The following IMPG2 variants were observed in gnomAD, a reference collection of about 807,000 sequenced individuals.
IMPG2 encodes the protein IPM 200.
Under a neutral mutation model 129.2 loss-of-function variants are expected in IMPG2, and 91 were observed. The ratio of observed to expected loss-of-function variants is 0.70; its 90% CI spans 0.59 to 0.84. The LOEUF (loss-of-function observed/expected upper bound fraction) is 0.84. Among genes scored for constraint, IMPG2 ranks in the 40% least tolerant of loss-of-function variants. The pLI, the probability that IMPG2 is intolerant of heterozygous loss-of-function variation, is 0.00. For missense variants in IMPG2, 1,430 were observed against 1,461.7 expected (o/e 0.98, Z 0.35); for synonymous variants, 510 against 517.7 (o/e 0.99, Z 0.20).
rs1706279096 is a variant in IMPG2 at position 101,230,995 on chromosome 3, T to C, written c.3384A>G (p.Gln1128=). The change falls in exon 16 of 19, where the codon CAA becomes CAG. Residue 1128 remains glutamine, a synonymous_variant. Transcript: ENST00000193391. ...AIIYFFIRTL[Q]AHHDRSERES... Reference sequence around the variant, plus strand: ...CTCTTTCACTCCTGTCATGGTGTGCTTGGAGAGTCCTGATGAAGAAGTAGA... The same window carrying C: ...CTCTTTCACTCCTGTCATGGTGTGCCTGGAGAGTCCTGATGAAGAAGTAGA... 6.2e-7 allele frequency: 1 copy of C among 1,613,858 alleles called. No individual in the cohort carries two copies. The highest frequency in any genetic ancestry group is 1.3e-5 in the African/African-American group (1 of 74,924).
Position 101,243,999 on chromosome 3 carries a change from G to A in IMPG2, c.2332C>T (p.Pro778Ser), listed in dbSNP as rs746189489. The change falls in exon 13 of 19, where the codon CCA (proline) becomes TCA (serine). Residue 778 changes from proline to serine, a missense_variant. Pro to Ser is a moderately conservative substitution (Grantham distance 74). Coordinates refer to ENST00000193391, the MANE Select transcript of IMPG2 (RefSeq NM_016247.4). ...PDMQTLWTIL[P>S]ESERVWTRTS... ...CTTGTCCAAACTCTCTCTGATTCTG[G>A]CAATATAGTCCACAAAGTTTGCATA... 1.9e-6 allele frequency: 3 copies of A among 1,614,118 alleles called. No homozygotes were observed. The highest frequency in any genetic ancestry group is 2.2e-5 in the South Asian group (2 of 91,088).
At chr3:101,270,242 T>C (rs946992980) in intron 7 of IMPG2, among the ~76,000 whole-genome samples, 1 of 152,082 alleles carries the variant, frequency 6.6e-6, no homozygotes, top group Non-Finnish European at 1.5e-5. Flanking sequence ...TAAATGATAT[T>C]GTTTGGATTT....
At chr3:101,228,768 C>A (rs1261661306) in intron 18 of IMPG2, 29 bp downstream of exon 18, 5 of 1,566,076 alleles carry the variant, frequency 3.2e-6, no homozygotes, top group South Asian at 1.1e-5. Context: ...GTCTGTAGGT[C>A]GGGGTGGGGG....
intron 3 of IMPG2, among the ~76,000 whole-genome samples, chr3:101,297,985 T>C (rs1056964136): frequency 6.6e-6 from 1 of 152,230 alleles, no homozygotes; most frequent in East Asian, 1.9e-4. Context: ...ATCTGTCTAA[T>C]ATGACAGTGG....
intron 2 of IMPG2, among the ~76,000 whole-genome samples, chr3:101,316,922 T>C (rs147636477): frequency 6.6e-6 from 1 of 152,096 alleles, no homozygotes; most frequent in African/African-American, 2.4e-5. Flanking sequence ...AACACATGCA[T>C]AAATTTCAAA....
At chr3:101,253,951 A>G (rs1706571953) in intron 10 of IMPG2, among the ~76,000 whole-genome samples, 170 bp from the exon 11 acceptor site, 1 of 152,154 alleles carries the variant, frequency 6.6e-6, no homozygotes. Flanking sequence ...TATTTTATTT[A>G]TATTAGCACA....
At chr3:101,272,097 ACG>A (rs1209699677) in intron 7 of IMPG2, among the ~76,000 whole-genome samples, 6 of 32,320 alleles carry the variant, frequency 1.9e-4, no homozygotes, top group Middle Eastern at 9.8e-3. Flanking sequence ...CCTTTTACAC[ACG>A]CACACACACA....
chr3:101,308,121 C>T (rs751374070), intron 2 of IMPG2, among the ~76,000 whole-genome samples: 8 of 152,250 alleles, frequency 5.3e-5, no homozygotes, highest in Non-Finnish European at 1.2e-4. Flanking sequence ...TTGCAGGGTA[C>T]AGCCCGCCTC....
At chr3:101,306,621 A>G (rs1465059383) in intron 2 of IMPG2, among the ~76,000 whole-genome samples, 4 of 152,214 alleles carry the variant, frequency 2.6e-5, no homozygotes, top group African/African-American at 9.6e-5. Flanking sequence ...GTGAATGTCT[A>G]TAATGTCTGG....
At chr3:101,315,188 C>A (rs972932507) in intron 2 of IMPG2, among the ~76,000 whole-genome samples, 1 of 152,168 alleles carries the variant, frequency 6.6e-6, no homozygotes, top group Non-Finnish European at 1.5e-5. Flanking sequence ...TAGAAAGAAA[C>A]TAGAAGCCTG....
intron 9 of IMPG2, among the ~76,000 whole-genome samples, chr3:101,259,704 A>G (rs1308050814): frequency 3.9e-5 from 6 of 152,020 alleles, no homozygotes; most frequent in Non-Finnish European, 8.8e-5. Context: ...TTAGTCAGCT[A>G]ATTTATGTTA....
intron 2 of IMPG2, among the ~76,000 whole-genome samples, chr3:101,312,699 C>T (rs1707280835): frequency 6.6e-6 from 1 of 151,958 alleles, no homozygotes; most frequent in South Asian, 2.1e-4. Flanking sequence ...AATGTAAATG[C>T]CCATTGACTG....
Position 101,257,922 on chromosome 3 carries a change from A to C in IMPG2, c.909-149T>G, listed in dbSNP as rs72930595. On this transcript the variant is annotated intron_variant, in intron 9 of 18. Coordinates refer to ENST00000193391, the MANE Select transcript of IMPG2 (RefSeq NM_016247.4). ...CTTTTCTCTGAAAAGCCTGGACAAC[A>C]TTTTGCCATCCTCTCCTCCTTCCCA... is the stretch of plus-strand genomic sequence containing the variant. 6.3e-3 allele frequency: 5,551 copies of C among 880,862 alleles called. 198 individuals are homozygous for C. In the African/African-American group the frequency reaches 0.08, roughly 13 times the overall value. The allele number at this position is 880,862 out of a possible 1,614,324, so 54.6% of individuals were successfully genotyped here. A position where few individuals can be genotyped will look rare whatever the true frequency, so the allele number is the denominator to read the frequency against.
rs1046414200 is a variant in IMPG2, at chr3:101,244,390, C to A, written c.1941G>T (p.Lys647Asn). The change falls in exon 13 of 19, where the codon AAG becomes AAT. Residue 647 changes from lysine to asparagine, a missense_variant. Physicochemically the swap from Lys to Asn is moderately conservative, Grantham distance 94. Coordinates refer to ENST00000193391, the MANE Select transcript of IMPG2 (RefSeq NM_016247.4). ...DSLLPAEIED[K>N]KLVLVDKMDS... ...CCATTTTGTCAACTAAAACTAGTTT[C>A]TTGTCTTCAATCTCAGCTGGCAAAA... 1 of 1,614,106 alleles carries A rather than the reference C, an allele frequency of 6.2e-7. No individual in the cohort carries two copies. Among genetic ancestry groups the A allele is most frequent in the Non-Finnish European group, 8.5e-7 (1 of 1,180,002 alleles).
chr3:101,290,748 C>T (rs1424301505), intron 4 of IMPG2, among the ~76,000 whole-genome samples: 2 of 152,104 alleles, frequency 1.3e-5, no homozygotes, highest in African/African-American at 4.8e-5. Flanking sequence ...GACTCTGATG[C>T]CCAGGTTGGA....
In IMPG2 at chr3:101,226,883, A is replaced by T; in HGVS notation, c.*86T>A. The T allele has an allele frequency of 7.1e-7, 1 of 1,403,878 alleles. No homozygotes were observed. Among genetic ancestry groups the T allele is most frequent in the Non-Finnish European group, 1.0e-6 (1 of 994,618 alleles). 87.0% of individuals were successfully genotyped at this position (1,403,878 alleles called of 1,614,324 possible). On this transcript the variant is annotated 3_prime_UTR_variant, in exon 19 of 19. Transcript: ENST00000193391. ...GAAAACTCTTCTTCCAACAGTGTTT[A>T]AAATCCAGGTTAATTATATGACATA...
intron 15 of IMPG2, among the ~76,000 whole-genome samples, chr3:101,232,267 C>CA (rs1237968631): frequency 1.3e-5 from 2 of 149,954 alleles, no homozygotes; most frequent in Non-Finnish European, 3.0e-5. Flanking sequence ...GACAGAGTTT[C>CA]AATCTTGTTG....
rs2107149645 is a variant in IMPG2, at chr3:101,320,513, A to C, written c.-141T>G. On this transcript the variant is annotated 5_prime_UTR_variant, in exon 1 of 19. Coordinates refer to ENST00000193391, the MANE Select transcript of IMPG2 (RefSeq NM_016247.4). ...TTTGAGAATGAACAACCACTTCAAA[A>C]CCATTATAAATTAGCGGAAAGAAAA... is the stretch of plus-strand genomic sequence containing the variant. The C allele has an allele frequency of 1.5e-6, 1 of 650,484 alleles. No individual in the cohort carries two copies. Among genetic ancestry groups the C allele is most frequent in the African/African-American group, 1.8e-5 (1 of 54,124 alleles). The allele number at this position is 650,484 out of a possible 1,614,324, so 40.3% of individuals were successfully genotyped here. A position where few individuals can be genotyped will look rare whatever the true frequency, so the allele number is the denominator to read the frequency against.
intron 18 of IMPG2, among the ~76,000 whole-genome samples, chr3:101,227,627 T>C (rs947806538): frequency 4.6e-5 from 7 of 152,246 alleles, no homozygotes; most frequent in Non-Finnish European, 7.3e-5. Context: ...GGTCATCTGC[T>C]GGCTGAAGAT....
Sources: allele counts gnomAD v4.1 joint callset (sites outside exome capture counted in the v4.1 genomes callset), GRCh38; gene constraint gnomAD v4.1.1; transcripts MANE v1.5; gene names NCBI Gene and HGNC (gene_info 2026-07-23, HGNC 2026-07-21).